The following OSBPL10 variants were observed in gnomAD, a reference collection of about 807,000 sequenced individuals.
The protein encoded by OSBPL10 is oxysterol-binding protein-related protein 10.
In OSBPL10, 49 loss-of-function variants were observed where a neutral mutation model predicts 81.7. That is an observed-to-expected ratio of 0.60 (90% CI 0.48 to 0.76). OSBPL10 has a LOEUF of 0.76. Among genes scored for constraint, OSBPL10 ranks in the 30% least tolerant of loss-of-function variants. The probability of loss-of-function intolerance (pLI) is 0.00; values close to 1 mark genes in which losing one functional copy is unlikely to be tolerated. For synonymous variants in OSBPL10, 419 were observed against 383.6 expected (o/e 1.09, Z -1.08); for missense variants, 923 against 987.8 (o/e 0.93, Z 0.88).
chr3:32,038,904 C>A (rs1699544557), intron 2 of OSBPL10, among the ~76,000 whole-genome samples: 1 of 151,938 alleles, frequency 6.6e-6, no homozygotes, highest in African/African-American at 2.4e-5. Flanking sequence ...GACAAAATAC[C>A]TTATCTAGAA....
chr3:31,826,803 C>G (rs1700111224), intron 4 of OSBPL10, among the ~76,000 whole-genome samples: 1 of 152,174 alleles, frequency 6.6e-6, no homozygotes, highest in Non-Finnish European at 1.5e-5. Context: ...CTGGCCACAT[C>G]ACAAAATGAC....
intron 4 of OSBPL10, among the ~76,000 whole-genome samples, chr3:31,812,805 A>AGAAAGAAAGAAAGAAG (rs1699736570): frequency 1.7e-5 from 1 of 57,304 alleles, no homozygotes; most frequent in Non-Finnish European, 3.4e-5. Flanking sequence ...AAAGAAAGAA[A>AGAAAGAAAGAAAGAAG]GAAAGAAAGA....
rs72854150 is a variant in OSBPL10, at chr3:31,992,230, G to A, written n.298+54261C>T. Among the ~76,000 whole-genome samples, 1,402 of 151,802 alleles carry A rather than the reference G, an allele frequency of 9.2e-3. 26 individuals carry two copies. Among genetic ancestry groups the A allele is most frequent in the African/African-American group, 0.032 (1,321 of 41,370 alleles). On this transcript the variant is annotated intron_variant and non_coding_transcript_variant, in intron 2 of 3. Coordinates refer to the OSBPL10 transcript ENST00000479173. ...AATATGGAACAGAATAAATAATCTA[G>A]AAATAGTTTCATATGAATATAGTCA...
intron 1 of OSBPL10, among the ~76,000 whole-genome samples, chr3:31,932,361 A>G (rs1697272845): frequency 6.6e-6 from 1 of 152,144 alleles, no homozygotes; most frequent in Non-Finnish European, 1.5e-5. Flanking sequence ...TCAATGCCCT[A>G]AGTGATTTCG....
intron 3 of OSBPL10, among the ~76,000 whole-genome samples, chr3:31,857,001 T>C (rs1700929459): frequency 6.6e-6 from 1 of 151,736 alleles, no homozygotes; most frequent in African/African-American, 2.4e-5. Context: ...CGGTGGAGGG[T>C]TCAAGGATCA....
chr3:31,774,539 G>GA (rs1698493414), intron 4 of OSBPL10, among the ~76,000 whole-genome samples: 1 of 150,590 alleles, frequency 6.6e-6, no homozygotes, highest in South Asian at 2.1e-4. Flanking sequence ...TTTTGAGACA[G>GA]TCTTGCTCTG....
intron 3 of OSBPL10, among the ~76,000 whole-genome samples, chr3:31,843,028 TG>T (rs1700538784): frequency 6.6e-6 from 1 of 152,234 alleles, no homozygotes; most frequent in Non-Finnish European, 1.5e-5. Flanking sequence ...ACACATTGTG[TG>T]TCCTGCCTTA....
intron 4 of OSBPL10, among the ~76,000 whole-genome samples, chr3:31,792,356 C>T (rs558048497): frequency 1.1e-4 from 17 of 152,216 alleles, no homozygotes; most frequent in African/African-American, 4.1e-4. Flanking sequence ...AAATAATTAT[C>T]GAGTTGTAAA....
At chr3:31,845,777 AAACCGATGCT>A (rs749573959) in intron 3 of OSBPL10, among the ~76,000 whole-genome samples, 8 of 152,196 alleles carry the variant, frequency 5.3e-5, no homozygotes, top group Non-Finnish European at 1.0e-4. Flanking sequence ...CAACATGGGC[AAACCGATGCT>A]TTTCAGAGAC....
chr3:31,739,805 A>G (rs375765686), intron 5 of OSBPL10, among the ~76,000 whole-genome samples: 5 of 152,256 alleles, frequency 3.3e-5, no homozygotes, highest in African/African-American at 1.2e-4. Flanking sequence ...ATACTGTAGC[A>G]GCCCATGCTA....
intron 1 of OSBPL10, among the ~76,000 whole-genome samples, chr3:31,912,662 G>A (rs559581221): frequency 6.6e-6 from 1 of 152,262 alleles, no homozygotes; most frequent in Admixed American, 6.5e-5. Context: ...TAGAGTTTCA[G>A]CTAGACTACA....
intron 4 of OSBPL10, among the ~76,000 whole-genome samples, chr3:31,760,146 G>C (rs1280801509): frequency 6.6e-6 from 1 of 152,186 alleles, no homozygotes; most frequent in Non-Finnish European, 1.5e-5. Flanking sequence ...GAAGGTCTTC[G>C]TCCTTTTCTT....
At chr3:31,990,883 G>C in intron 2 of OSBPL10, 1 of 1,576,054 alleles carries the variant, frequency 6.3e-7, no homozygotes, top group East Asian at 2.3e-5. Flanking sequence ...TTGTGGCAAA[G>C]CCTTTACTTC....
intron 2 of OSBPL10, chr3:31,990,039 C>A: frequency 6.2e-7 from 1 of 1,614,052 alleles, no homozygotes; most frequent in Admixed American, 1.7e-5. Flanking sequence ...AAGAATGTGA[C>A]AAAGTTTTTA....
intron 2 of OSBPL10, among the ~76,000 whole-genome samples, chr3:31,998,940 A>T (rs1219818723): frequency 6.6e-6 from 1 of 152,256 alleles, no homozygotes; most frequent in East Asian, 1.9e-4. Flanking sequence ...GTATAAGTGG[A>T]TATTTAAAAT....
intron 4 of OSBPL10, among the ~76,000 whole-genome samples, chr3:31,757,949 C>T (rs1173055721): frequency 2.0e-5 from 3 of 152,284 alleles, no homozygotes; most frequent in South Asian, 4.1e-4. Context: ...AGAAGTTATC[C>T]TTTTGTAAGG....
chr3:31,747,788 T>C (rs568150523), intron 5 of OSBPL10, 122 bp downstream of exon 5: 3 of 1,010,218 alleles, frequency 3.0e-6, no homozygotes, highest in Middle Eastern at 6.3e-4. Context: ...TAGAAATACT[T>C]GGATATAAGG....
intron 1 of OSBPL10, among the ~76,000 whole-genome samples, chr3:31,917,927 C>T (rs1398511440): frequency 1.3e-5 from 2 of 151,628 alleles, no homozygotes; most frequent in African/African-American, 2.4e-5. Flanking sequence ...TTAAGTGGTG[C>T]TAACAGCCTT....
intron 1 of OSBPL10, among the ~76,000 whole-genome samples, chr3:31,945,083 A>G (rs112176883): frequency 0.011 from 1,554 of 147,420 alleles, 31 homozygotes; most frequent in African/African-American, 0.037. Flanking sequence ...CCTGGGAGGC[A>G]GAGGTTGCAG....
Sources: allele counts gnomAD v4.1 joint callset (sites outside exome capture counted in the v4.1 genomes callset), GRCh38; gene constraint gnomAD v4.1.1; transcripts MANE v1.5; gene names NCBI Gene and HGNC (gene_info 2026-07-23, HGNC 2026-07-21).